The following FLRT2 variants were observed in gnomAD, a reference collection of about 807,000 sequenced individuals.
FLRT2 encodes fibronectin leucine rich transmembrane protein 2.
In FLRT2, 15 loss-of-function variants were observed where a neutral mutation model predicts 40.0. The observed-to-expected ratio is 0.38, with a 90% confidence interval of 0.25 to 0.58. FLRT2 has a LOEUF of 0.58. FLRT2 is among the 20% of genes least tolerant of loss of function. The pLI, the probability that FLRT2 is intolerant of heterozygous loss-of-function variation, is 0.71. For synonymous variants in FLRT2, 380 were observed against 336.8 expected (o/e 1.13, Z -1.41); for missense variants, 726 against 840.0 (o/e 0.86, Z 1.68).
chr14:85,591,964 T>C (rs111361377), intron 1 of FLRT2, among the ~76,000 whole-genome samples: 3 of 152,330 alleles, frequency 2.0e-5, no homozygotes, highest in Non-Finnish European at 4.4e-5. Flanking sequence ...TATGCATTTA[T>C]GTCATTGTTT....
intron 1 of FLRT2, among the ~76,000 whole-genome samples, chr14:85,592,111 G>A (rs770795298): frequency 5.8e-4 from 88 of 151,606 alleles, no homozygotes; most frequent in Non-Finnish European, 2.4e-4. Flanking sequence ...GCAGTGGGTC[G>A]TTAAAACAGA....
At chr14:85,583,961 TAA>T (rs35631948) in intron 1 of FLRT2, among the ~76,000 whole-genome samples, 19 of 141,824 alleles carry the variant, frequency 1.3e-4, no homozygotes, top group Admixed American at 2.1e-4. Context: ...ACTGTTTCTT[TAA>T]AAAAAAAAAA....
chr14:85,629,553 C>A lies in FLRT2; in HGVS notation c.*6056C>A, dbSNP rs767740495. On this transcript the variant is annotated 3_prime_UTR_variant, in exon 2 of 2. Transcript: ENST00000330753. ...GTCTTTAAAATAACCCTGTAAGGTG[C>A]GTTATTTTAATTTTTAGATTTTAAA... 6.6e-6 allele frequency: 1 copy of A among 152,064 alleles called. No homozygotes were observed. The highest frequency in any genetic ancestry group is 1.5e-5 in the Non-Finnish European group (1 of 68,002). The allele number at this position is 152,064 out of a possible 1,614,324, so 9.4% of individuals were successfully genotyped here.
At chr14:85,587,287 GAAAAAAAA>G (rs748034839) in intron 1 of FLRT2, among the ~76,000 whole-genome samples, 6 of 88,220 alleles carry the variant, frequency 6.8e-5, no homozygotes, top group African/African-American at 1.1e-4. Context: ...CTAAGGAATG[GAAAAAAAA>G]AAAAAAAAAA....
intron 1 of FLRT2, among the ~76,000 whole-genome samples, chr14:85,569,646 G>A (rs184250884): frequency 6.6e-6 from 1 of 152,274 alleles, no homozygotes; most frequent in Admixed American, 6.5e-5. Context: ...TTTCAGATGA[G>A]GTTTATTTTG....
Position 85,643,335 on chromosome 14 carries a change from CTTTCTTTCTTT to C in FLRT2, c.*19839_*19849del, listed in dbSNP as rs1894205146. On this transcript the variant is annotated 3_prime_UTR_variant, in exon 2 of 2. Transcript: ENST00000330753. ...TCTTTCTTTCTTTCTTTCTTTCTTT[CTTTCTTTCTTT>C]CTTTCTTTCTTCCTTCCTTCCTTCC... The C allele has an allele frequency of 4.4e-5, 5 of 114,204 alleles. No homozygotes were observed. The highest frequency in any genetic ancestry group is 2.8e-4 in the East Asian group (1 of 3,580). The allele number at this position is 114,204 out of a possible 1,614,324, so 7.1% of individuals were successfully genotyped here. A position where few individuals can be genotyped will look rare whatever the true frequency, so the allele number is the denominator to read the frequency against.
chr14:85,623,304 A>G lies in FLRT2; in HGVS notation c.1790A>G (p.Asn597Ser). 1 of 1,514,256 alleles carries G rather than the reference A, an allele frequency of 6.6e-7. No homozygotes were observed. Among genetic ancestry groups the G allele is most frequent in the Non-Finnish European group, 8.8e-7 (1 of 1,132,406 alleles). The allele number at this position is 1,514,256 out of a possible 1,614,324, so 93.8% of individuals were successfully genotyped here. A position where few individuals can be genotyped will look rare whatever the true frequency, so the allele number is the denominator to read the frequency against. Residue 597 changes from asparagine (N) to serine (S), a missense_variant, in exon 2 of 2, where the codon AAC becomes AGC. Asn to Ser is a conservative substitution (Grantham distance 46, BLOSUM62 1). Transcript: ENST00000330753. ...TGCGAGGCAGGCACCAAGAAGGACA[A>G]CTCCATCCTGGAGATGACAGAAACC... is the stretch of plus-strand genomic sequence containing the variant. ...DYCEAGTKKD[N>S]SILEMTETSF... is the part of the protein sequence containing the mutation.
rs1893465092 is a variant in FLRT2, at chr14:85,622,767, C to A, written c.1253C>A (p.Thr418Asn). 6.2e-7 allele frequency: 1 copy of A among 1,614,106 alleles called. No homozygotes were observed. Among genetic ancestry groups the A allele is most frequent in the Admixed American group, 1.7e-5 (1 of 60,024 alleles). The change falls in exon 2 of 2, where the codon ACC becomes AAC. Residue 418 changes from threonine (T) to asparagine (N), a missense_variant. Physicochemically the swap from Thr to Asn is moderately conservative, Grantham distance 65. Transcript: ENST00000330753. ...IPDWDGRERV[T>N]PPISERIQLS... ...GACTGGGATGGCAGAGAAAGAGTGACCCCACCTATTTCTGAACGGATCCAG... is the reference window on the plus strand; with the variant it reads ...GACTGGGATGGCAGAGAAAGAGTGAACCCACCTATTTCTGAACGGATCCAG...
chr14:85,617,480 G>A (rs953326191), intron 1 of FLRT2, among the ~76,000 whole-genome samples: 3 of 152,144 alleles, frequency 2.0e-5, no homozygotes, highest in African/African-American at 7.2e-5. Context: ...GAAGTAGGAT[G>A]AGAACTCAGG....
At chr14:85,540,374 G>C (rs1448128712) in intron 1 of FLRT2, among the ~76,000 whole-genome samples, 3 of 152,082 alleles carry the variant, frequency 2.0e-5, no homozygotes, top group Non-Finnish European at 4.4e-5. Flanking sequence ...GTTCTTTACA[G>C]TGTATTTCTG....
At chr14:85,568,520 T>C (rs1021386490) in intron 1 of FLRT2, among the ~76,000 whole-genome samples, 1 of 152,172 alleles carries the variant, frequency 6.6e-6, no homozygotes, top group African/African-American at 2.4e-5. Flanking sequence ...TTAAAAAATG[T>C]GCTCACATTC....
At chr14:85,607,131 G>A (rs1238124177) in intron 1 of FLRT2, among the ~76,000 whole-genome samples, 6 of 151,996 alleles carry the variant, frequency 3.9e-5, no homozygotes, top group Admixed American at 2.6e-4. Flanking sequence ...CATTGGGAAT[G>A]CATGATCTAT....
At chr14:85,607,290 G>A (rs1445200754) in intron 1 of FLRT2, among the ~76,000 whole-genome samples, 1 of 152,206 alleles carries the variant, frequency 6.6e-6, no homozygotes, top group Non-Finnish European at 1.5e-5. Context: ...CGAGATGGAA[G>A]CTTAGATTTG....
chr14:85,630,938 A>T lies in FLRT2; in HGVS notation c.*7441A>T, dbSNP rs1373212816. The T allele has an allele frequency of 6.6e-6, 1 of 151,824 alleles. No homozygotes were observed. The highest frequency in any genetic ancestry group is 1.5e-5 in the Non-Finnish European group (1 of 68,014). 9.4% of individuals were successfully genotyped at this position (151,824 alleles called of 1,614,324 possible). ...TCTATAAGGAATGCCTGAGTACGAT[A>T]CTGCAGTGCTTGCAAAACATGCGTT... On this transcript the variant is annotated 3_prime_UTR_variant, in exon 2 of 2. Coordinates refer to ENST00000330753, the MANE Select transcript of FLRT2 (RefSeq NM_013231.6).
chr14:85,563,391 C>G (rs1265369430), intron 1 of FLRT2, among the ~76,000 whole-genome samples: 2 of 152,148 alleles, frequency 1.3e-5, no homozygotes, highest in Non-Finnish European at 2.9e-5. Context: ...CTGTAATAAG[C>G]TACCTGAAAC....
At chr14:85,571,608 T>C (rs1463445667) in intron 1 of FLRT2, among the ~76,000 whole-genome samples, 1 of 152,158 alleles carries the variant, frequency 6.6e-6, no homozygotes, top group Non-Finnish European at 1.5e-5. Flanking sequence ...GTGCTTACCA[T>C]GGTGGAGTGG....
Position 85,647,526 on chromosome 14 carries a change from T to C in FLRT2, c.*24029T>C, listed in dbSNP as rs1275920427. 1 of 152,182 alleles carries C rather than the reference T, an allele frequency of 6.6e-6. No homozygotes were observed. Among genetic ancestry groups the C allele is most frequent in the Non-Finnish European group, 1.5e-5 (1 of 68,024 alleles). 9.4% of individuals were successfully genotyped at this position (152,182 alleles called of 1,614,324 possible). Reference sequence around the variant, plus strand: ...CTAGTCAATGGAAGAATGTTTCTCTTCCAAGAGGACACAACAATGATTCAT... The same window carrying C: ...CTAGTCAATGGAAGAATGTTTCTCTCCCAAGAGGACACAACAATGATTCAT... On this transcript the variant is annotated 3_prime_UTR_variant, in exon 2 of 2. Coordinates refer to ENST00000330753, the MANE Select transcript of FLRT2 (RefSeq NM_013231.6).
At position 85,649,518 on chromosome 14, in the gene FLRT2, A is replaced by G. The variant is rs1163920062; in HGVS notation, c.*26021A>G. ...ACATTTGTTATCAGTAGCACACAATATATTGGATTAAGTTTTTGAATGATG... is the reference window on the plus strand; with the variant it reads ...ACATTTGTTATCAGTAGCACACAATGTATTGGATTAAGTTTTTGAATGATG... On this transcript the variant is annotated 3_prime_UTR_variant, in exon 2 of 2. Coordinates refer to ENST00000330753, the MANE Select transcript of FLRT2 (RefSeq NM_013231.6). The G allele has an allele frequency of 6.6e-6, 1 of 152,116 alleles. No individual in the cohort carries two copies. The highest frequency in any genetic ancestry group is 1.9e-4 in the East Asian group (1 of 5,190). 9.4% of individuals were successfully genotyped at this position (152,116 alleles called of 1,614,324 possible).
chr14:85,572,825 A>T (rs1002108067), intron 1 of FLRT2, among the ~76,000 whole-genome samples: 1 of 152,114 alleles, frequency 6.6e-6, no homozygotes, highest in Admixed American at 6.5e-5. Flanking sequence ...GCTGTTATTT[A>T]TATTTTACAG....
Sources: allele counts gnomAD v4.1 joint callset (sites outside exome capture counted in the v4.1 genomes callset), GRCh38; gene constraint gnomAD v4.1.1; transcripts MANE v1.5; gene names NCBI Gene and HGNC (gene_info 2026-07-23, HGNC 2026-07-21).